The following MINDY4B variants were observed in gnomAD, a reference collection of about 807,000 sequenced individuals.
MINDY4B encodes the protein inactive ubiquitin carboxyl-terminal hydrolase MINDY-4B.
Under a neutral mutation model 16.7 loss-of-function variants are expected in MINDY4B, and 25 were observed. The ratio of observed to expected loss-of-function variants is 1.49; its 90% CI spans 1.09 to 2.09. The LOEUF is 2.09. MINDY4B is among the 30% of genes most tolerant of loss of function. The probability of loss-of-function intolerance (pLI) is 0.00; values close to 1 mark genes in which losing one functional copy is unlikely to be tolerated. For synonymous variants in MINDY4B, 132 were observed against 61.9 expected (o/e 2.13, Z -5.32); for missense variants, 327 against 168.4 (o/e 1.94, Z -5.21).
At chr3:150,884,098 G>C (rs1429452664) in intron 8 of MINDY4B, among the ~76,000 whole-genome samples, 1 of 152,202 alleles carries the variant, frequency 6.6e-6, no homozygotes, top group Non-Finnish European at 1.5e-5. Context: ...CTTGGCTCAG[G>C]GTGGTGACAC....
chr3:150,903,657 ATAAT>A (rs149383814), intron 2 of MINDY4B, among the ~76,000 whole-genome samples: 175 of 152,352 alleles, frequency 1.1e-3, no homozygotes, highest in African/African-American at 4.1e-3. Flanking sequence ...CTATGGAAAC[ATAAT>A]TAATGCCATC....
At chr3:150,885,252 T>G in intron 8 of MINDY4B, 116 bp downstream of exon 8, 1 of 627,140 alleles carries the variant, frequency 1.6e-6, no homozygotes, top group Non-Finnish European at 2.9e-6. Context: ...GAGAATCTAC[T>G]AGAAAAAAAC....
intron 7 of MINDY4B, among the ~76,000 whole-genome samples, chr3:150,888,494 C>T (rs1443267134): frequency 6.6e-6 from 1 of 152,172 alleles, no homozygotes; most frequent in African/African-American, 2.4e-5. Flanking sequence ...AGACCTCCAT[C>T]TTGAGATCTC....
intron 7 of MINDY4B, among the ~76,000 whole-genome samples, 169 bp downstream of exon 7, chr3:150,890,151 T>C (rs147605926): frequency 1.7e-3 from 261 of 152,304 alleles, no homozygotes; most frequent in African/African-American, 6.0e-3. Context: ...TTCTAGGTTG[T>C]GAGGAGGAAG....
In MINDY4B at chr3:150,871,175, T is replaced by A. The variant is rs977130451; in HGVS notation, c.1253A>T (p.His418Leu). Residue 418 changes from histidine to leucine, a missense_variant, in exon 12 of 12, where the codon CAT (histidine) becomes CTT (leucine). By Grantham distance (99) the His-to-Leu change is moderately conservative. Coordinates refer to ENST00000465419, the MANE Select transcript of MINDY4B (RefSeq NM_001351281.2). ...LVRLTIDTHSHHWERDQQEEK... is the reference protein window; with the variant it reads ...LVRLTIDTHSLHWERDQQEEK... ...TTCCTGTTGGTCTCTTTCCCAGTGA[T>A]GGGAGTGAGTATCTGAAGAAGGAAT... 9 of 702,524 alleles carry A rather than the reference T, an allele frequency of 1.3e-5. No homozygotes were observed. Among genetic ancestry groups the A allele is most frequent in the South Asian group, 7.4e-5 (5 of 67,592 alleles). 43.5% of individuals were successfully genotyped at this position (702,524 alleles called of 1,614,324 possible). A position where few individuals can be genotyped will look rare whatever the true frequency, so the allele number is the denominator to read the frequency against.
rs1326156881 is a variant in MINDY4B at position 150,903,274 on chromosome 3, A to C, written c.284T>G (p.Phe95Cys). The C allele has an allele frequency of 2.5e-6, 1 of 398,444 alleles. No homozygotes were observed. The highest frequency in any genetic ancestry group is 4.4e-6 in the Non-Finnish European group (1 of 226,026). 24.7% of individuals were successfully genotyped at this position (398,444 alleles called of 1,614,324 possible). Residue 95 changes from phenylalanine to cysteine, a missense_variant, in exon 3 of 12, where the codon TTT (phenylalanine) becomes TGT (cysteine). Physicochemically the swap from Phe to Cys is radical, Grantham distance 205. Transcript: ENST00000465419. ...CGTGGCCATTGCTAGGGAGATAGGAAAGCCACCCAATTTTGAAGAGATGAT... is the reference window on the plus strand; with the variant it reads ...CGTGGCCATTGCTAGGGAGATAGGACAGCCACCCAATTTTGAAGAGATGAT... ...PSIISSKLGG[F>C]PISLAMATKL...
intron 11 of MINDY4B, among the ~76,000 whole-genome samples, chr3:150,871,691 A>G (rs1007892241): frequency 6.6e-6 from 1 of 152,178 alleles, no homozygotes; most frequent in African/African-American, 2.4e-5. Flanking sequence ...TCTACTAAAA[A>G]TACAGAAAAT....
At chr3:150,887,058 CAATAAT>C (rs1332594806) in intron 7 of MINDY4B, among the ~76,000 whole-genome samples, 1 of 152,138 alleles carries the variant, frequency 6.6e-6, no homozygotes, top group Non-Finnish European at 1.5e-5. Context: ...AGATTAACAA[CAATAAT>C]AATAGTGTAG....
chr3:150,885,016 A>C (rs1481233814), intron 8 of MINDY4B, among the ~76,000 whole-genome samples: 1 of 152,230 alleles, frequency 6.6e-6, no homozygotes, highest in African/African-American at 2.4e-5. Flanking sequence ...TATCATAGAG[A>C]CAAAATACAT....
intron 10 of MINDY4B, 32 bp downstream of exon 10, chr3:150,882,865 G>T (rs1346327276): frequency 1.5e-6 from 1 of 678,394 alleles, no homozygotes; most frequent in Non-Finnish European, 2.7e-6. Context: ...TTGACATTCT[G>T]GTTGTGTGGT....
At chr3:150,875,125 A>C (rs1717058611) in intron 10 of MINDY4B, among the ~76,000 whole-genome samples, 1 of 152,256 alleles carries the variant, frequency 6.6e-6, no homozygotes, top group African/African-American at 2.4e-5. Context: ...CACTGGTTAC[A>C]TCAGAAATAA....
rs111316888 is a variant in MINDY4B, at chr3:150,884,906, G to A, written c.824+462C>T. ...CTCCTGGGACTTGCCCAGCATCTCT[G>A]TGTACACCCCTTGTCTTTCCCAGCC... On this transcript the variant is annotated intron_variant, in intron 8 of 11. Transcript: ENST00000465419. Among the ~76,000 whole-genome samples, 74 of 152,104 alleles carry A rather than the reference G, an allele frequency of 4.9e-4. 2 individuals carry two copies. The highest frequency in any genetic ancestry group is 2.0e-4 in the Admixed American group (3 of 15,274).
intron 3 of MINDY4B, among the ~76,000 whole-genome samples, chr3:150,894,907 C>T (rs561490382): frequency 6.6e-6 from 1 of 152,256 alleles, no homozygotes; most frequent in East Asian, 1.9e-4. Flanking sequence ...GTCTAACACC[C>T]CACAGCTATG....
intron 11 of MINDY4B, among the ~76,000 whole-genome samples, chr3:150,872,320 G>A (rs193168975): frequency 6.6e-6 from 1 of 152,194 alleles, no homozygotes; most frequent in African/African-American, 2.4e-5. Flanking sequence ...AGAATTAGGA[G>A]CTGCACAAAT....
rs938239516 is a variant in MINDY4B, at chr3:150,903,789, T to C, written c.142-373A>G. Among the ~76,000 whole-genome samples, 3 of 152,260 alleles carry C rather than the reference T, an allele frequency of 2.0e-5. No homozygotes were observed. The South Asian group carries it at 6.2e-4, about 31-fold the overall frequency. ...CTTTCCAGTTTACACAAAGTGTTTC[T>C]CATTACATTGTTAACTGGCCAATAA... is the stretch of plus-strand genomic sequence containing the variant. On this transcript the variant is annotated intron_variant, in intron 2 of 11. Coordinates refer to ENST00000465419, the MANE Select transcript of MINDY4B (RefSeq NM_001351281.2).
chr3:150,894,630 G>C (rs1576614524), intron 3 of MINDY4B, among the ~76,000 whole-genome samples: 1 of 151,944 alleles, frequency 6.6e-6, no homozygotes, highest in African/African-American at 2.4e-5. Flanking sequence ...TCTCACTCCA[G>C]AAAAAAGGAA....
In MINDY4B at chr3:150,894,264, A is replaced by G; in HGVS notation, c.351T>C (p.Phe117=). The change falls in exon 4 of 12, where the codon TTT becomes TTC. Residue 117 remains phenylalanine (F), a synonymous_variant. Transcript: ENST00000465419. The part of the protein sequence containing the change: ...QILFGNTVHV[F]SYNWKKAYFR... ...AATAGGCCTTTTTCCAGTTATAGCT[A>G]AAGACATGGACTGTGTTTCCAAACA... 1.4e-6 allele frequency: 1 copy of G among 701,916 alleles called. No individual in the cohort carries two copies. Among genetic ancestry groups the G allele is most frequent in the Non-Finnish European group, 2.6e-6 (1 of 384,614 alleles). The allele number at this position is 701,916 out of a possible 1,614,324, so 43.5% of individuals were successfully genotyped here. A position where few individuals can be genotyped will look rare whatever the true frequency, so the allele number is the denominator to read the frequency against.
intron 3 of MINDY4B, among the ~76,000 whole-genome samples, chr3:150,895,242 T>TGTCTGAGTAGCTGGGA (rs1711929844): frequency 1.3e-5 from 2 of 152,198 alleles, no homozygotes; most frequent in African/African-American, 4.8e-5. Flanking sequence ...CAGCTGGGTT[T>TGTCTGAGTAGCTGGGA]TTACCCATTC....
At chr3:150,893,654 A>T (rs983054006) in intron 4 of MINDY4B, among the ~76,000 whole-genome samples, 1 of 126,928 alleles carries the variant, frequency 7.9e-6, no homozygotes, top group Non-Finnish European at 1.6e-5. Flanking sequence ...GGCTTCCTCC[A>T]TCTTGCCTTC....
Sources: allele counts gnomAD v4.1 joint callset (sites outside exome capture counted in the v4.1 genomes callset), GRCh38; gene constraint gnomAD v4.1.1; transcripts MANE v1.5; gene names NCBI Gene and HGNC (gene_info 2026-07-23, HGNC 2026-07-21).